Variants in FAM178B observed in about 807,000 individuals in gnomAD.
FAM178B encodes family with sequence similarity 178 member B.
Under a neutral mutation model 91.7 loss-of-function variants are expected in FAM178B, and 82 were observed. That is an observed-to-expected ratio of 0.89 (90% CI 0.75 to 1.07). FAM178B has a LOEUF of 1.07. Among genes scored for constraint, FAM178B ranks in the 50% least tolerant of loss-of-function variants. FAM178B has a pLI of 0.00. For missense variants in FAM178B, 769 were observed against 846.7 expected (o/e 0.91, Z 1.14); for synonymous variants, 368 against 359.4 (o/e 1.02, Z -0.27).
At chr2:96,883,917 C>A (rs1242538417) in intron 14 of FAM178B, among the ~76,000 whole-genome samples, 1 of 152,138 alleles carries the variant, frequency 6.6e-6, no homozygotes, top group Non-Finnish European at 1.5e-5. Flanking sequence ...CCAGGAGAAG[C>A]ATTCTGCCTT....
At chr2:96,923,466 C>A in intron 10 of FAM178B, 24 bp downstream of exon 10, 1 of 1,533,018 alleles carries the variant, frequency 6.5e-7, no homozygotes, top group Non-Finnish European at 8.8e-7. Flanking sequence ...GAGTGCCCTG[C>A]ATGAGGCAGG....
intron 12 of FAM178B, among the ~76,000 whole-genome samples, chr2:96,908,919 G>T (rs1016739813): frequency 1.3e-5 from 2 of 152,074 alleles, no homozygotes; most frequent in Non-Finnish European, 2.9e-5. Context: ...GCTGAGGTGG[G>T]AGGATCACCT....
chr2:96,979,676 G>T (rs1173146341), intron 1 of FAM178B, among the ~76,000 whole-genome samples: 1 of 152,138 alleles, frequency 6.6e-6, no homozygotes, highest in Non-Finnish European at 1.5e-5. Flanking sequence ...TTGAATGGTA[G>T]TTCTGTTTTT....
At chr2:96,917,795 G>A (rs908989152) in intron 12 of FAM178B, among the ~76,000 whole-genome samples, 4 of 152,178 alleles carry the variant, frequency 2.6e-5, no homozygotes, top group Admixed American at 1.3e-4. Context: ...GGTCGAGGCT[G>A]CAGTGAGCCA....
intron 12 of FAM178B, among the ~76,000 whole-genome samples, chr2:96,918,096 A>C (rs1311378803): frequency 6.6e-6 from 1 of 151,932 alleles, no homozygotes; most frequent in Non-Finnish European, 1.5e-5. Context: ...CAAAAATCCC[A>C]ATCAATTCTC....
chr2:96,941,498 C>T (rs955090544), intron 8 of FAM178B, among the ~76,000 whole-genome samples: 1 of 152,136 alleles, frequency 6.6e-6, no homozygotes, highest in African/African-American at 2.4e-5. Flanking sequence ...AACCCAAGGC[C>T]CCAGTGGCCA....
At position 96,951,420 on chromosome 2, in the gene FAM178B, T is replaced by A. The variant is rs371052104; in HGVS notation, c.952A>T (p.Met318Leu). The change falls in exon 7 of 17, where the codon ATG becomes TTG. Residue 318 changes from methionine to leucine, a missense_variant. Physicochemically the swap from Met to Leu is conservative, Grantham distance 15. Coordinates refer to ENST00000490605, the MANE Select transcript of FAM178B (RefSeq NM_001122646.3). ...SGLLNILYLHMPDCPVSLLQW... is the reference protein window; with the variant it reads ...SGLLNILYLHLPDCPVSLLQW... Reference sequence around the variant, plus strand: ...AGCAGGGATACCGGGCAGTCAGGCATGTGCAGGTAGAGGATGTTCAGGAGG... The same window carrying A: ...AGCAGGGATACCGGGCAGTCAGGCAAGTGCAGGTAGAGGATGTTCAGGAGG... 1.3e-6 allele frequency: 2 copies of A among 1,551,406 alleles called. No individual in the cohort carries two copies. The highest frequency in any genetic ancestry group is 2.7e-5 in the African/African-American group (2 of 72,996).
chr2:96,905,844 A>ATATGTGTGTGTGTGTG (rs2081033127), intron 12 of FAM178B, among the ~76,000 whole-genome samples: 1 of 28,608 alleles, frequency 3.5e-5, no homozygotes, highest in Non-Finnish European at 8.8e-5. Context: ...ATATATATAT[A>ATATGTGTGTGTGTGTG]TATATATATA....
At chr2:96,914,209 G>A (rs1255103010) in intron 12 of FAM178B, among the ~76,000 whole-genome samples, 1 of 152,208 alleles carries the variant, frequency 6.6e-6, no homozygotes, top group Non-Finnish European at 1.5e-5. Flanking sequence ...GGAGAAAAAT[G>A]AAGGAAAGGG....
chr2:96,893,889 C>A (rs1316526472), intron 14 of FAM178B, 37 bp downstream of exon 14: 4 of 1,597,520 alleles, frequency 2.5e-6, no homozygotes, highest in East Asian at 2.3e-5. Flanking sequence ...GTGGTGGCAC[C>A]GTGGTGGAGG....
intron 9 of FAM178B, among the ~76,000 whole-genome samples, chr2:96,925,135 C>T (rs1422446423): frequency 1.3e-5 from 2 of 152,178 alleles, no homozygotes; most frequent in African/African-American, 2.4e-5. Context: ...TCGTACCAGC[C>T]TTGAGCGTGC....
chr2:96,925,339 A>C (rs561318022), intron 9 of FAM178B, among the ~76,000 whole-genome samples: 4 of 152,264 alleles, frequency 2.6e-5, no homozygotes, highest in African/African-American at 9.6e-5. Context: ...CCTTGGAAAG[A>C]AATGTCAGCC....
At chr2:96,908,672 G>A (rs574806664) in intron 12 of FAM178B, among the ~76,000 whole-genome samples, 1 of 152,224 alleles carries the variant, frequency 6.6e-6, no homozygotes, top group Non-Finnish European at 1.5e-5. Flanking sequence ...CTGTCCCATG[G>A]TCAGGTGGTA....
chr2:96,950,248 G>T, intron 7 of FAM178B: 1 of 870,606 alleles, frequency 1.1e-6, no homozygotes, highest in Non-Finnish European at 1.4e-6. Flanking sequence ...AAGGAGCAGG[G>T]GCTGCACCGC....
At position 96,985,163 on chromosome 2, in the gene FAM178B, G is replaced by A. The variant is rs372909417; in HGVS notation, c.73+1078C>T. On this transcript the variant is annotated intron_variant, in intron 1 of 16. Transcript: ENST00000490605. The stretch of plus-strand genomic sequence containing the variant: ...CTGACAGCGTGGGAGGGGATATGAA[G>A]GCCCCCCAGTCAAACAGGAGACAGC... Among the ~76,000 whole-genome samples the A allele has an allele frequency of 1.9e-4, 29 of 152,296 alleles. No individual in the cohort carries two copies. The East Asian group carries it at 3.7e-3, about 19-fold the overall frequency.
rs1444880937 is a variant in FAM178B at position 96,940,717 on chromosome 2, T to C, written c.1078+7101A>G. Among the ~76,000 whole-genome samples the C allele has an allele frequency of 2.0e-5, 3 of 152,290 alleles. No individual in the cohort carries two copies. In the South Asian group the frequency reaches 6.2e-4, roughly 32 times the overall value. ...GGAAACTTTTGGGGGCCATGGAATA[T>C]ATTCACTAGCTCAATTGTGGCAATG... On this transcript the variant is annotated intron_variant, in intron 8 of 16. Transcript: ENST00000490605.
At chr2:96,973,845 C>CA (rs1474396276) in intron 1 of FAM178B, among the ~76,000 whole-genome samples, 2 of 150,848 alleles carry the variant, frequency 1.3e-5, no homozygotes, top group Admixed American at 1.3e-4. Flanking sequence ...ACTAAAAATA[C>CA]AAAAAAAATT....
intron 5 of FAM178B, among the ~76,000 whole-genome samples, chr2:96,963,548 T>C (rs937978197): frequency 3.3e-5 from 5 of 152,226 alleles, no homozygotes; most frequent in African/African-American, 4.8e-5. Context: ...CTGGGCAGTG[T>C]GTGAGGAGCT....
At chr2:96,940,705 G>A (rs1039091670) in intron 8 of FAM178B, among the ~76,000 whole-genome samples, 34 of 152,052 alleles carry the variant, frequency 2.2e-4, no homozygotes, top group Admixed American at 2.6e-4. Flanking sequence ...AACTTTTGGG[G>A]GCCATGGAAT....
Sources: gnomAD v4.1 joint callset for allele counts (sites outside exome capture counted in the v4.1 genomes callset) on GRCh38, gnomAD v4.1.1 for gene constraint, MANE v1.5 for transcripts, NCBI Gene and HGNC (gene_info 2026-07-23, HGNC 2026-07-21) for gene names.